Variants in MYO9A observed in about 807,000 individuals in gnomAD.
MYO9A encodes unconventional myosin-IXa.
In MYO9A, 103 loss-of-function variants were observed where a neutral mutation model predicts 293.3. The observed-to-expected ratio is 0.35, with a 90% CI of 0.30 to 0.41. The LOEUF (loss-of-function observed/expected upper bound fraction) is 0.41. Ranked by LOEUF, MYO9A falls within the 10% of genes least tolerant of loss-of-function variation. The probability of loss-of-function intolerance (pLI) is 1.00; values close to 1 mark genes in which losing one functional copy is unlikely to be tolerated. For synonymous variants in MYO9A, 1,001 were observed against 1,035.7 expected, an observed-to-expected ratio of 0.97 and a Z score of 0.64; for missense variants, 2,685 against 3,033.0, an observed-to-expected ratio of 0.89 and a Z score of 2.69.
In MYO9A at chr15:71,977,768, T is replaced by A. The variant is rs1596313221; in HGVS notation, c.1844+403A>T. On this transcript the variant is annotated intron_variant, in intron 12 of 41. Transcript: ENST00000356056. Reference sequence around the variant, plus strand: ...AAAAAAAAATTGTGGCCACACGCGGTGGCTCACGCCTGTAATCCCAGCACT... The same window carrying A: ...AAAAAAAAATTGTGGCCACACGCGGAGGCTCACGCCTGTAATCCCAGCACT... Among the ~76,000 whole-genome samples, 4 of 151,824 alleles carry A rather than the reference T, an allele frequency of 2.6e-5. No individual in the cohort carries two copies. In the South Asian group the frequency reaches 8.4e-4, roughly 32 times the overall value.
In MYO9A at chr15:71,913,149, T is replaced by C. The variant is rs994396750; in HGVS notation, c.2685+3221A>G. The stretch of plus-strand genomic sequence containing the variant: ...CTGCATCATATTGCTCCATAAGTTA[T>C]TGCTATTTTCGTTTTTTTACATCTT... On this transcript the variant is annotated intron_variant, in intron 19 of 41. Coordinates refer to ENST00000356056, the MANE Select transcript of MYO9A (RefSeq NM_006901.4). Among the ~76,000 whole-genome samples, 4 of 152,304 alleles carry C rather than the reference T, an allele frequency of 2.6e-5. No homozygotes were observed. The South Asian group carries it at 6.2e-4, about 24-fold the overall frequency.
At chr15:71,858,424 G>C (rs2055957841) in intron 34 of MYO9A, 1 of 152,090 alleles carries the variant, frequency 6.6e-6, no homozygotes, top group Admixed American at 6.5e-5. Flanking sequence ...ATACTATGCA[G>C]CCATAAAAAA....
chr15:71,850,005 G>T (rs1282729891), intron 38 of MYO9A, 31 bp downstream of exon 38: 1 of 1,611,754 alleles, frequency 6.2e-7, no homozygotes, highest in Admixed American at 1.7e-5. Context: ...AGTCCCTGAG[G>T]TCTTGCAAAG....
At position 71,825,689 on chromosome 15, in the gene MYO9A, C is replaced by CAAAG. The variant is rs1567169214; in HGVS notation, c.*887_*890dup. ...TATGCGGTTTTCGGTTTAATCTATA[C>CAAAG]AAAGAGAAAAGCCTGAATGGCTTAG... On this transcript the variant is annotated 3_prime_UTR_variant, in exon 42 of 42. Coordinates refer to ENST00000356056, the MANE Select transcript of MYO9A (RefSeq NM_006901.4). 1 of 152,086 alleles carries CAAAG rather than the reference C, an allele frequency of 6.6e-6. No individual in the cohort carries two copies. Among genetic ancestry groups the CAAAG allele is most frequent in the African/African-American group, 2.4e-5 (1 of 41,386 alleles). 9.4% of individuals were successfully genotyped at this position (152,086 alleles called of 1,614,324 possible).
At chr15:71,968,178 G>A (rs993337128) in intron 12 of MYO9A, 53 bp from the exon 13 acceptor site, 31 of 1,425,640 alleles carry the variant, frequency 2.2e-5, no homozygotes, top group Middle Eastern at 2.6e-4. Flanking sequence ...AGAAAGATGC[G>A]GTAATTAGTA....
At position 71,873,065 on chromosome 15, in the gene MYO9A, A is replaced by G. The variant is rs189934624; in HGVS notation, c.5979+2726T>C. The stretch of plus-strand genomic sequence containing the variant: ...GCAGCTGGGATTACAGGCGCCCATC[A>G]CCACACCTGGCTAATTTTTTTTTGT... On this transcript the variant is annotated intron_variant, in intron 32 of 41. Transcript: ENST00000356056. Among the ~76,000 whole-genome samples the G allele has an allele frequency of 2.6e-5, 4 of 151,902 alleles. No homozygotes were observed. The East Asian group carries it at 7.8e-4, about 29-fold the overall frequency.
chr15:71,928,347 C>G (rs992531655), intron 18 of MYO9A, among the ~76,000 whole-genome samples: 7 of 151,476 alleles, frequency 4.6e-5, no homozygotes, highest in African/African-American at 1.7e-4. Context: ...AAAGTGCTGT[C>G]TAATATATTT....
intron 4 of MYO9A, among the ~76,000 whole-genome samples, chr15:72,027,005 C>A (rs538923171): frequency 2.6e-5 from 4 of 152,170 alleles, no homozygotes; most frequent in South Asian, 4.1e-4. Context: ...GTGAATTCTA[C>A]CAAATGTTTA....
Position 71,905,006 on chromosome 15 carries a change from C to T in MYO9A, c.2686G>A (p.Ala896Thr), listed in dbSNP as rs755683032. 1 of 1,597,888 alleles carries T rather than the reference C, an allele frequency of 6.3e-7. No homozygotes were observed. Among genetic ancestry groups the T allele is most frequent in the East Asian group, 2.2e-5 (1 of 44,502 alleles). ...GTTTCCATTAGCTTGCTTAATGATG[C>T]CTGCAACAGAAAGCAATATAATTAT... ...KPPSISAQFQ[A>T]SLSKLMETLG... is the part of the protein sequence containing the mutation. Residue 896 changes from alanine to threonine, a missense_variant and splice_region_variant, in exon 20 of 42, where the codon GCA (alanine) becomes ACA (threonine). Around this residue, in one of 10 missense-constraint regions of MYO9A, gnomAD observed 1,434 missense variants for 1,497.7 expected, o/e 0.96. Transcript: ENST00000356056.
intron 1 of MYO9A, among the ~76,000 whole-genome samples, chr15:72,111,834 C>T (rs575771753): frequency 6.6e-6 from 1 of 152,090 alleles, no homozygotes; most frequent in East Asian, 1.9e-4. Flanking sequence ...TTTGTAGAGA[C>T]AAGGTCTCCT....
At chr15:71,929,874 C>G (rs1461756676) in intron 18 of MYO9A, among the ~76,000 whole-genome samples, 2 of 152,224 alleles carry the variant, frequency 1.3e-5, no homozygotes, top group African/African-American at 2.4e-5. Flanking sequence ...AATCTCCAAA[C>G]TTCTCCGTAG....
At position 71,898,873 on chromosome 15, in the gene MYO9A, T is replaced by C; in HGVS notation, c.3630A>G (p.Lys1210=). The change falls in exon 25 of 42, where the codon AAA becomes AAG. Residue 1210 remains lysine, a synonymous_variant. Transcript: ENST00000356056. ...DNRIKAIEEC[K]SVIESNRISR... is the part of the protein sequence containing the mutation. ...TAATTCGATTACTCTCTATTACAGA[T>C]TTACATTCCTCTATGGCTTTTATTC... 6.2e-7 allele frequency: 1 copy of C among 1,614,108 alleles called. No homozygotes were observed. The highest frequency in any genetic ancestry group is 2.2e-5 in the East Asian group (1 of 44,872).
rs1045934003 is a variant in MYO9A at position 71,823,695 on chromosome 15, G to C, written c.*2885C>G. The C allele has an allele frequency of 6.6e-6, 1 of 152,180 alleles. No individual in the cohort carries two copies. The highest frequency in any genetic ancestry group is 2.4e-5 in the African/African-American group (1 of 41,428). The allele number at this position is 152,180 out of a possible 1,614,324, so 9.4% of individuals were successfully genotyped here. A position where few individuals can be genotyped will look rare whatever the true frequency, so the allele number is the denominator to read the frequency against. The stretch of plus-strand genomic sequence containing the variant: ...TAATAAGTACATACTAAATTACAGG[G>C]ATACATTCACTTTAATGGGCAGAGT... On this transcript the variant is annotated 3_prime_UTR_variant, in exon 42 of 42. Transcript: ENST00000356056.
At chr15:72,063,827 A>T (rs1330117745) in intron 1 of MYO9A, among the ~76,000 whole-genome samples, 1 of 152,246 alleles carries the variant, frequency 6.6e-6, no homozygotes, top group African/African-American at 2.4e-5. Flanking sequence ...AACGGAAATC[A>T]GTATATCAAA....
At chr15:72,074,070 C>A (rs796105181) in intron 1 of MYO9A, among the ~76,000 whole-genome samples, 6 of 152,188 alleles carry the variant, frequency 3.9e-5, no homozygotes, top group African/African-American at 1.2e-4. Flanking sequence ...CCTCACATCA[C>A]CTGCCTTTAC....
chr15:71,856,841 GCCTTGTCACTATGTGAACT>G (rs2055884568), intron 34 of MYO9A, among the ~76,000 whole-genome samples: 1 of 152,104 alleles, frequency 6.6e-6, no homozygotes. Context: ...TAAAAGTTTT[GCCTTGTCACTATGTGAACT>G]TGGCTAGGTT....
In MYO9A at chr15:72,046,334, T is replaced by C. The variant is rs753274085; in HGVS notation, c.230A>G (p.Asn77Ser). ...KEFGGEEWILNPTDCPVQRMM... is the reference protein window; with the variant it reads ...KEFGGEEWILSPTDCPVQRMM... The stretch of plus-strand genomic sequence containing the variant: ...TCGCTGAACTGGACAATCTGTTGGA[T>C]TGAGAATCCATTCTTCTCCACCAAA... The change falls in exon 2 of 42, where the codon AAT (asparagine) becomes AGT (serine). Residue 77 changes from asparagine (N) to serine (S), a missense_variant. Physicochemically the swap from Asn to Ser is conservative, Grantham distance 46. Around this residue, in one of 10 missense-constraint regions of MYO9A, gnomAD observed 22 missense variants for 47.2 expected, o/e 0.47. Coordinates refer to ENST00000356056, the MANE Select transcript of MYO9A (RefSeq NM_006901.4). The C allele has an allele frequency of 6.8e-6, 11 of 1,613,932 alleles. No homozygotes were observed. The East Asian group carries it at 1.1e-4, about 16-fold the overall frequency.
intron 33 of MYO9A, among the ~76,000 whole-genome samples, chr15:71,861,559 G>A (rs1409552546): frequency 6.8e-6 from 1 of 146,598 alleles, no homozygotes; most frequent in Non-Finnish European, 1.5e-5. Flanking sequence ...CTTTTTGACT[G>A]TAATCTAATT....
intron 28 of MYO9A, 149 bp from the exon 29 acceptor site, chr15:71,880,707 G>C: frequency 1.4e-6 from 1 of 695,046 alleles, no homozygotes; most frequent in Non-Finnish European, 2.4e-6. Flanking sequence ...TTTGAGGTTA[G>C]GCAGCTAAGC....
Sources: gnomAD v4.1 joint callset for allele counts (sites outside exome capture counted in the v4.1 genomes callset) on GRCh38, gnomAD v4.1.1 for gene constraint, gnomAD v4.1.1 regional missense constraint, MANE v1.5 for transcripts, NCBI Gene and HGNC (gene_info 2026-07-23, HGNC 2026-07-21) for gene names.